The following C20orf203 variants were observed in gnomAD, a reference collection of about 807,000 sequenced individuals.
C20orf203 encodes the protein uncharacterized protein C20orf203.
Under a neutral mutation model 15.9 loss-of-function variants are expected in C20orf203, and 16 were observed. The ratio of observed to expected loss-of-function variants is 1.01; its 90% CI spans 0.68 to 1.53. The LOEUF is 1.53. C20orf203 is among the 40% of genes most tolerant of loss of function. The pLI, the probability that C20orf203 is intolerant of heterozygous loss-of-function variation, is 0.00. For synonymous variants in C20orf203, 98 were observed against 97.2 expected (o/e 1.01, Z -0.05); for missense variants, 263 against 247.5 (o/e 1.06, Z -0.42).
rs181843946 is a variant in C20orf203, at chr20:32,666,529, T to G, written c.-264+7103A>C. On this transcript the variant is annotated intron_variant, in intron 1 of 5. Coordinates refer to ENST00000608990, the MANE Select transcript of C20orf203 (RefSeq NM_182584.4). ...CTGTAATCCCAGCACTTTGGGAGGCTGAGGCGGGCAGATCACTAGGTCAGG... is the reference window on the plus strand; with the variant it reads ...CTGTAATCCCAGCACTTTGGGAGGCGGAGGCGGGCAGATCACTAGGTCAGG... Among the ~76,000 whole-genome samples the G allele has an allele frequency of 6.2e-3, 940 of 150,980 alleles. 8 individuals carry two copies. Among genetic ancestry groups the G allele is most frequent in the African/African-American group, 0.022 (906 of 41,164 alleles).
intron 1 of C20orf203, among the ~76,000 whole-genome samples, chr20:32,670,332 T>C (rs6579029): frequency 0.69 from 104,158 of 151,368 alleles, 36,730 homozygotes; most frequent in Middle Eastern, 0.84. Context: ...TGGTGAAACC[T>C]TGTCTCTACT....
At chr20:32,652,486 C>T (rs987915317) in intron 1 of C20orf203, among the ~76,000 whole-genome samples, 7 of 151,740 alleles carry the variant, frequency 4.6e-5, no homozygotes, top group Admixed American at 1.3e-4. Flanking sequence ...TTTATTTGAA[C>T]GATAAAATCA....
At chr20:32,637,225 C>T (rs1309028373) in intron 5 of C20orf203, among the ~76,000 whole-genome samples, 2 of 152,158 alleles carry the variant, frequency 1.3e-5, no homozygotes, top group African/African-American at 4.8e-5. Flanking sequence ...CCAGCCTGAC[C>T]AACATGGTGA....
At chr20:32,665,106 G>T (rs1982987427) in intron 1 of C20orf203, among the ~76,000 whole-genome samples, 1 of 152,234 alleles carries the variant, frequency 6.6e-6, no homozygotes, top group African/African-American at 2.4e-5. Flanking sequence ...GAGACTTTGT[G>T]CCCTGGTTCT....
chr20:32,666,794 A>ATTTTTTATATATATATATATAT (rs1983040119), intron 1 of C20orf203, among the ~76,000 whole-genome samples: 1 of 39,424 alleles, frequency 2.5e-5, no homozygotes, highest in Admixed American at 2.3e-4. Context: ...AATTAATTTT[A>ATTTTTTATATATATATATATAT]ATTTATATAT....
At chr20:32,643,245 A>G (rs1982332858) in intron 4 of C20orf203, among the ~76,000 whole-genome samples, 1 of 152,046 alleles carries the variant, frequency 6.6e-6, no homozygotes, top group African/African-American at 2.4e-5. Context: ...CCAGCTGTGA[A>G]CCTTGGGCAG....
intron 4 of C20orf203, among the ~76,000 whole-genome samples, chr20:32,647,330 G>A (rs1050128736): frequency 1.3e-5 from 2 of 151,850 alleles, no homozygotes; most frequent in African/African-American, 2.4e-5. Context: ...GGGAGGCGGA[G>A]GTTGCAGTGA....
rs184396319 is a variant in C20orf203 at position 32,668,731 on chromosome 20, G to C, written c.-264+4901C>G. Among the ~76,000 whole-genome samples the C allele has an allele frequency of 5.0e-3, 758 of 152,198 alleles. 3 individuals carry two copies. The highest frequency in any genetic ancestry group is 0.017 in the African/African-American group (727 of 41,546). On this transcript the variant is annotated intron_variant, in intron 1 of 5. Transcript: ENST00000608990. ...CCAGCTACTAGGGAGGCTGAGGTAG[G>C]AGAATTGCTTGAACTCGGGAGGTTG...
rs2145669991 is a variant in C20orf203, at chr20:32,649,435, T to C, written c.*997A>G. 1 of 152,440 alleles carries C rather than the reference T, an allele frequency of 6.6e-6. No homozygotes were observed. Among genetic ancestry groups the C allele is most frequent in the African/African-American group, 2.4e-5 (1 of 41,580 alleles). The allele number at this position is 152,440 out of a possible 1,614,324, so 9.4% of individuals were successfully genotyped here. ...GCTGTTTAATCCTCACATCAGCCCATGAAGCAGCTATGAATCATAGGGGAA... is the reference window on the plus strand; with the variant it reads ...GCTGTTTAATCCTCACATCAGCCCACGAAGCAGCTATGAATCATAGGGGAA... On this transcript the variant is annotated 3_prime_UTR_variant, in exon 4 of 6. Transcript: ENST00000608990.
chr20:32,671,477 A>T (rs6057616), intron 1 of C20orf203, among the ~76,000 whole-genome samples: 103,825 of 151,718 alleles, frequency 0.68, 36,497 homozygotes, highest in Middle Eastern at 0.84. Flanking sequence ...GAATCCAAAG[A>T]AGAAACAGAA....
chr20:32,647,947 T>C (rs954360651), intron 4 of C20orf203, among the ~76,000 whole-genome samples: 3 of 152,106 alleles, frequency 2.0e-5, no homozygotes, highest in African/African-American at 4.8e-5. Flanking sequence ...CCCCAATCCA[T>C]TGATGGCACC....
intron 5 of C20orf203, among the ~76,000 whole-genome samples, chr20:32,634,474 G>C (rs891124125): frequency 1.3e-5 from 2 of 152,226 alleles, no homozygotes; most frequent in South Asian, 2.1e-4. Flanking sequence ...AGCCAGCTCC[G>C]GGCCCAGCAG....
At chr20:32,658,891 T>C (rs1200159288) in intron 1 of C20orf203, among the ~76,000 whole-genome samples, 1 of 151,784 alleles carries the variant, frequency 6.6e-6, no homozygotes, top group Non-Finnish European at 1.5e-5. Flanking sequence ...TTTTTTTTTT[T>C]TTAAACAGAG....
At chr20:32,643,650 C>CAA (rs1163026515) in intron 4 of C20orf203, among the ~76,000 whole-genome samples, 14 of 87,104 alleles carry the variant, frequency 1.6e-4, no homozygotes, top group Non-Finnish European at 2.4e-4. Context: ...CACACACACA[C>CAA]ACACACACAC....
At chr20:32,654,568 C>T (rs115934522) in intron 1 of C20orf203, among the ~76,000 whole-genome samples, 244 of 151,990 alleles carry the variant, frequency 1.6e-3, no homozygotes, top group African/African-American at 5.4e-3. Context: ...GTGGGCCAGG[C>T]GTGGTAGCTT....
rs1440918371 is a variant in C20orf203, at chr20:32,650,311, C to G, written c.*121G>C. Reference sequence around the variant, plus strand: ...GAGGTTTCAGCTGGGCGTGCCGGGCCCATCCCCCACTCTGGGGAGCAGAAT... The same window carrying G: ...GAGGTTTCAGCTGGGCGTGCCGGGCGCATCCCCCACTCTGGGGAGCAGAAT... On this transcript the variant is annotated 3_prime_UTR_variant, in exon 4 of 6. Coordinates refer to ENST00000608990, the MANE Select transcript of C20orf203 (RefSeq NM_182584.4). 1 of 727,772 alleles carries G rather than the reference C, an allele frequency of 1.4e-6. No homozygotes were observed. The highest frequency in any genetic ancestry group is 2.8e-5 in the Admixed American group (1 of 36,154). 45.1% of individuals were successfully genotyped at this position (727,772 alleles called of 1,614,324 possible).
intron 5 of C20orf203, 66 bp downstream of exon 5, chr20:32,640,500 C>G (rs1410937067): frequency 6.6e-6 from 1 of 152,070 alleles, no homozygotes; most frequent in Non-Finnish European, 1.5e-5. Flanking sequence ...TGGGACCAGC[C>G]TGGCCAACAC....
chr20:32,639,974 T>C (rs186768253), intron 5 of C20orf203, among the ~76,000 whole-genome samples: 2 of 152,344 alleles, frequency 1.3e-5, no homozygotes, highest in East Asian at 3.9e-4. Context: ...CTTCCTTTCA[T>C]TCTCACGACT....
chr20:32,666,250 T>C (rs1169573890), intron 1 of C20orf203, among the ~76,000 whole-genome samples: 1 of 151,478 alleles, frequency 6.6e-6, no homozygotes, highest in Non-Finnish European at 1.5e-5. Context: ...GAGGATCTCT[T>C]GAGCTCAGGA....
Sources: gnomAD v4.1 joint callset for allele counts (sites outside exome capture counted in the v4.1 genomes callset) on GRCh38, gnomAD v4.1.1 for gene constraint, MANE v1.5 for transcripts, NCBI Gene and HGNC (gene_info 2026-07-23, HGNC 2026-07-21) for gene names.